The following LRIT2 variants were observed in gnomAD, a reference collection of about 807,000 sequenced individuals.
The protein encoded by LRIT2 is leucine rich repeat, Ig-like and transmembrane domains 2.
A neutral mutation model predicts 22.4 loss-of-function variants in LRIT2; 23 were observed. The observed-to-expected ratio is 1.03, with a 90% CI of 0.74 to 1.45. The LOEUF is 1.45. Ranked by LOEUF, LRIT2 falls within the 40% of genes most tolerant of loss-of-function variation. The pLI is 0.00. For synonymous variants in LRIT2, 291 were observed against 267.1 expected, an observed-to-expected ratio of 1.09 and a Z score of -0.87; for missense variants, 784 against 665.6, an observed-to-expected ratio of 1.18 and a Z score of -1.96.
chr10:84,225,541 G>C lies in LRIT2; in HGVS notation c.-21C>G. 6.2e-7 allele frequency: 1 copy of C among 1,610,622 alleles called. No homozygotes were observed. Among genetic ancestry groups the C allele is most frequent in the African/African-American group, 1.3e-5 (1 of 74,890 alleles). Reference sequence around the variant, plus strand: ...GCCATATTTCTCTGTAAGAAAATACGTTGTGAGTTTTGAATAAGTATCGCC... The same window carrying C: ...GCCATATTTCTCTGTAAGAAAATACCTTGTGAGTTTTGAATAAGTATCGCC... On this transcript the variant is annotated 5_prime_UTR_variant, in exon 1 of 3. Transcript: ENST00000372113.
Position 84,224,463 on chromosome 10 carries a change from C to T in LRIT2, c.762G>A (p.Gln254=). Residue 254 remains glutamine, a synonymous_variant, in exon 2 of 3, where the codon CAG becomes CAA. Coordinates refer to ENST00000372113, the MANE Select transcript of LRIT2 (RefSeq NM_001017924.5). ...ETELSACMKP[Q]ISTPSANITI... ...TGATATTGGCACTGGGGGTTGAGAT[C>T]TGTGGCTTCATGCAAGCACTAAGCT... is the stretch of plus-strand genomic sequence containing the variant. 2 of 1,614,242 alleles carry T rather than the reference C, an allele frequency of 1.2e-6. No individual in the cohort carries two copies. The highest frequency in any genetic ancestry group is 8.5e-7 in the Non-Finnish European group (1 of 1,180,044).
chr10:84,223,632 C>T (rs778271693), intron 2 of LRIT2, among the ~76,000 whole-genome samples: 2 of 152,068 alleles, frequency 1.3e-5, no homozygotes, highest in African/African-American at 2.4e-5. Flanking sequence ...GAGGAATGTA[C>T]GAAGATTTTT....
At position 84,222,534 on chromosome 10, in the gene LRIT2, C is replaced by T. The variant is rs762298572; in HGVS notation, c.1039G>A (p.Ala347Thr). ...NLVISLHVQP[A>T]QALHAPDSLS... ...GAATCAGGTGCATGTAGGGCCTGGG[C>T]AGGCTGGACATGGAGAGAGATTACA... The change falls in exon 3 of 3, where the codon GCC (alanine) becomes ACC (threonine). Residue 347 changes from alanine (A) to threonine (T), a missense_variant. Transcript: ENST00000372113. 6.8e-6 allele frequency: 11 copies of T among 1,614,024 alleles called. No homozygotes were observed. In the South Asian group the frequency reaches 1.1e-4, roughly 16 times the overall value.
In LRIT2 at chr10:84,221,819, T is replaced by C; in HGVS notation, c.*101A>G. 8.5e-7 allele frequency: 1 copy of C among 1,173,716 alleles called. No individual in the cohort carries two copies. Among genetic ancestry groups the C allele is most frequent in the Non-Finnish European group, 1.2e-6 (1 of 850,382 alleles). 72.7% of individuals were successfully genotyped at this position (1,173,716 alleles called of 1,614,324 possible). Reference sequence around the variant, plus strand: ...AGTTCAGTGCTTGGAACACAGTGGGTGCTCAATATATACTTGCTGGATAAA... The same window carrying C: ...AGTTCAGTGCTTGGAACACAGTGGGCGCTCAATATATACTTGCTGGATAAA... On this transcript the variant is annotated 3_prime_UTR_variant, in exon 3 of 3. Coordinates refer to ENST00000372113, the MANE Select transcript of LRIT2 (RefSeq NM_001017924.5).
chr10:84,222,679 C>G lies in LRIT2; in HGVS notation c.894G>C (p.Val298=). Residue 298 remains valine, a splice_region_variant and synonymous_variant, in exon 3 of 3, where the codon GTG becomes GTC. Transcript: ENST00000372113. ...TGTCTTCTCCAGTAGAAGATGTCAA[C>G]ACTGGGTGGAAAGAAAAACAAAACA... ...YPLSMWREFD[V]LTSSTGEDTA... 6.2e-7 allele frequency: 1 copy of G among 1,612,788 alleles called. No homozygotes were observed.
Position 84,221,766 on chromosome 10 carries a change from C to G in LRIT2, c.*154G>C. 1.8e-6 allele frequency: 1 copy of G among 549,428 alleles called. No individual in the cohort carries two copies. Among genetic ancestry groups the G allele is most frequent in the Non-Finnish European group, 3.0e-6 (1 of 332,162 alleles). 34.0% of individuals were successfully genotyped at this position (549,428 alleles called of 1,614,324 possible). A position where few individuals can be genotyped will look rare whatever the true frequency, so the allele number is the denominator to read the frequency against. The stretch of plus-strand genomic sequence containing the variant: ...ATCATGAAGATAAAGACTCTGTTTC[C>G]CTTTTTACTCTTGAACCCCCTGTGT... On this transcript the variant is annotated 3_prime_UTR_variant, in exon 3 of 3. Coordinates refer to ENST00000372113, the MANE Select transcript of LRIT2 (RefSeq NM_001017924.5).
rs1433124911 is a variant in LRIT2 at position 84,224,446 on chromosome 10, G to C, written c.779C>G (p.Ala260Gly). ...CMKPQISTPS[A>G]NITIRAGQNV... ...CTGTCCTGCCCGGATGGTGATATTG[G>C]CACTGGGGGTTGAGATCTGTGGCTT... The change falls in exon 2 of 3, where the codon GCC becomes GGC. Residue 260 changes from alanine (A) to glycine (G), a missense_variant. Physicochemically the swap from Ala to Gly is moderately conservative, Grantham distance 60. Transcript: ENST00000372113. 1.2e-6 allele frequency: 2 copies of C among 1,614,238 alleles called. No individual in the cohort carries two copies. The highest frequency in any genetic ancestry group is 1.7e-5 in the Admixed American group (1 of 60,032).
At position 84,224,323 on chromosome 10, in the gene LRIT2, T is replaced by G; in HGVS notation, c.892+10A>C. The G allele has an allele frequency of 6.2e-7, 1 of 1,604,502 alleles. No homozygotes were observed. Among genetic ancestry groups the G allele is most frequent in the Non-Finnish European group, 8.5e-7 (1 of 1,174,900 alleles). ...CCTCCAGATACACTGAGAGGGTGCATGTGGCTTACCATCAAATTCTCTCCA... is the reference window on the plus strand; with the variant it reads ...CCTCCAGATACACTGAGAGGGTGCAGGTGGCTTACCATCAAATTCTCTCCA... On this transcript the variant is annotated intron_variant, in intron 2 of 2. Coordinates refer to ENST00000372113, the MANE Select transcript of LRIT2 (RefSeq NM_001017924.5).
Position 84,224,351 on chromosome 10 carries a change from T to C in LRIT2, c.874A>G (p.Met292Val). The change falls in exon 2 of 3, where the codon ATG (methionine) becomes GTG (valine). Residue 292 changes from methionine (M) to valine (V), a missense_variant. Transcript: ENST00000372113. ...GGCTTACCATCAAATTCTCTCCACA[T>C]ACTCAGGGGATAAGTCCATGCAATG... The part of the protein sequence containing the change: ...PSIAWTYPLS[M>V]WREFDVLTSS... 1 of 1,612,988 alleles carries C rather than the reference T, an allele frequency of 6.2e-7. No individual in the cohort carries two copies. Among genetic ancestry groups the C allele is most frequent in the Non-Finnish European group, 8.5e-7 (1 of 1,179,524 alleles).
chr10:84,224,181 T>C, intron 2 of LRIT2, 152 bp downstream of exon 2: 1 of 672,142 alleles, frequency 1.5e-6, no homozygotes, highest in Non-Finnish European at 2.4e-6. Flanking sequence ...TGAAATCTTT[T>C]CTGTTCTAGT....
chr10:84,224,389 C>A lies in LRIT2; in HGVS notation c.836G>T (p.Ser279Ile), dbSNP rs756265612. ...NVTLRCLAQA[S>I]PSPSIAWTYP... ...AGTCCATGCAATGGATGGTGAGGGG[C>A]TGGCCTGTGCCAAGCATCGCAGGGT... Residue 279 changes from serine to isoleucine, a missense_variant, in exon 2 of 3, where the codon AGC becomes ATC. By Grantham distance (142) the Ser-to-Ile change is moderately radical. Transcript: ENST00000372113. The A allele has an allele frequency of 1.9e-5, 30 of 1,614,154 alleles. 1 individual carries two copies. In the South Asian group the frequency reaches 3.1e-4, roughly 17 times the overall value.
chr10:84,225,275 A>C (rs1842553486), intron 1 of LRIT2, 136 bp downstream of exon 1: 2 of 1,237,506 alleles, frequency 1.6e-6, no homozygotes, highest in Non-Finnish European at 2.2e-6. Context: ...AGTTCAGCAA[A>C]GTTCAGTCCC....
At position 84,221,818 on chromosome 10, in the gene LRIT2, G is replaced by T. The variant is rs186634342; in HGVS notation, c.*102C>A. Reference sequence around the variant, plus strand: ...AAGTTCAGTGCTTGGAACACAGTGGGTGCTCAATATATACTTGCTGGATAA... The same window carrying T: ...AAGTTCAGTGCTTGGAACACAGTGGTTGCTCAATATATACTTGCTGGATAA... On this transcript the variant is annotated 3_prime_UTR_variant, in exon 3 of 3. Transcript: ENST00000372113. 8.6e-7 allele frequency: 1 copy of T among 1,166,186 alleles called. No individual in the cohort carries two copies. Among genetic ancestry groups the T allele is most frequent in the South Asian group, 2.0e-5 (1 of 50,466 alleles). The allele number at this position is 1,166,186 out of a possible 1,614,324, so 72.2% of individuals were successfully genotyped here.
rs910059540 is a variant in LRIT2 at position 84,220,670 on chromosome 10, G to A, written c.*1250C>T. On this transcript the variant is annotated 3_prime_UTR_variant, in exon 3 of 3. Coordinates refer to ENST00000372113, the MANE Select transcript of LRIT2 (RefSeq NM_001017924.5). ...TAGACGAGTGCAGTGGCCACCGTGA[G>A]GAAGGTCAGTCTTTGCCTGCAAATG... 5.3e-5 allele frequency: 8 copies of A among 152,200 alleles called. No individual in the cohort carries two copies. The highest frequency in any genetic ancestry group is 1.0e-4 in the Non-Finnish European group (7 of 68,044). 9.4% of individuals were successfully genotyped at this position (152,200 alleles called of 1,614,324 possible). A position where few individuals can be genotyped will look rare whatever the true frequency, so the allele number is the denominator to read the frequency against.
In LRIT2 at chr10:84,222,481, G is replaced by A; in HGVS notation, c.1092C>T (p.Ala364=). 6.2e-7 allele frequency: 1 copy of A among 1,614,008 alleles called. No individual in the cohort carries two copies. Among genetic ancestry groups the A allele is most frequent in the South Asian group, 1.1e-5 (1 of 91,084 alleles). The change falls in exon 3 of 3, where the codon GCC becomes GCT. Residue 364 remains alanine (A), a synonymous_variant. Transcript: ENST00000372113. The part of the protein sequence containing the change: ...DSLSIPSEGN[A]YIDLRVVKQT... ...GCTTGACAACCCGCAGGTCAATGTA[G>A]GCATTGCCCTCCGAGGGGATGGAAA...
At chr10:84,222,776 T>C in intron 2 of LRIT2, 96 bp from the exon 3 acceptor site, 1 of 1,433,230 alleles carries the variant, frequency 7.0e-7, no homozygotes, top group Non-Finnish European at 9.7e-7. Flanking sequence ...TGCTTTGTTT[T>C]TTGTTATTGT....
In LRIT2 at chr10:84,224,408, G is replaced by T. The variant is rs139197166; in HGVS notation, c.817C>A (p.Arg273=). The part of the protein sequence containing the change: ...TIRAGQNVTL[R]CLAQASPSPS... ...GAGGGGCTGGCCTGTGCCAAGCATC[G>T]CAGGGTCACATTCTGTCCTGCCCGG... Residue 273 remains arginine (R), a synonymous_variant, in exon 2 of 3, where the codon CGA becomes AGA. Transcript: ENST00000372113. The T allele has an allele frequency of 2.0e-5, 33 of 1,614,124 alleles. No individual in the cohort carries two copies. Among genetic ancestry groups the T allele is most frequent in the South Asian group, 1.3e-4 (12 of 91,094 alleles).
At chr10:84,223,591 T>C (rs1264617491) in intron 2 of LRIT2, among the ~76,000 whole-genome samples, 2 of 152,094 alleles carry the variant, frequency 1.3e-5, no homozygotes, top group East Asian at 1.9e-4. Flanking sequence ...TTCCTAGTTG[T>C]CTTCTAGACA....
At chr10:84,224,259 T>C (rs943833442) in intron 2 of LRIT2, 74 bp downstream of exon 2, 6 of 1,462,156 alleles carry the variant, frequency 4.1e-6, no homozygotes, top group Admixed American at 2.3e-5. Context: ...GCTTTGAATC[T>C]CTCTAATGAG....
Sources: gnomAD v4.1 joint callset for allele counts (sites outside exome capture counted in the v4.1 genomes callset) on GRCh38, gnomAD v4.1.1 for gene constraint, MANE v1.5 for transcripts, NCBI Gene and HGNC (gene_info 2026-07-23, HGNC 2026-07-21) for gene names.